EYS: variants seen among roughly 807,000 people sequenced by gnomAD.
The protein encoded by EYS is EGF-like photoreceptor maintenance factor, also known as protein eyes shut homolog.
In EYS, 250 loss-of-function variants were observed where a neutral mutation model predicts 282.1. That is an observed-to-expected ratio of 0.89 (90% confidence interval 0.80 to 0.98). The LOEUF is 0.98. Among genes scored for constraint, EYS ranks in the 50% least tolerant of loss-of-function variants. The pLI, the probability that EYS is intolerant of heterozygous loss-of-function variation, is 0.00. For synonymous variants in EYS, 1,355 were observed against 1,282.9 expected (o/e 1.06, Z -1.20); for missense variants, 4,016 against 3,709.0 (o/e 1.08, Z -2.15).
intron 12 of EYS, among the ~76,000 whole-genome samples, chr6:65,066,451 C>T (rs899903510): frequency 6.6e-6 from 1 of 152,134 alleles, no homozygotes; most frequent in Non-Finnish European, 1.5e-5. Context: ...TCCTATAATG[C>T]TCAGTCTCAT....
intron 36 of EYS, among the ~76,000 whole-genome samples, chr6:63,831,918 A>T (rs1430143560): frequency 6.6e-6 from 1 of 152,216 alleles, no homozygotes; most frequent in Non-Finnish European, 1.5e-5. Context: ...AAACTCACTC[A>T]AAACGGCTCA....
intron 19 of EYS, among the ~76,000 whole-genome samples, chr6:64,840,555 T>G (rs1765532066): frequency 6.6e-6 from 1 of 152,142 alleles, no homozygotes; most frequent in Non-Finnish European, 1.5e-5. Context: ...GGCAGAGGAC[T>G]TCGAAACTAA....
At position 64,771,899 on chromosome 6, in the gene EYS, T is replaced by A. The variant is rs111758343; in HGVS notation, c.3443+41479A>T. ...TTATGCAGATATTCTGTGTTCTTAT[T>A]GTTTTTAATCTATCTTTTGTATTCA... On this transcript the variant is annotated intron_variant, in intron 22 of 42. Transcript: ENST00000503581. Among the ~76,000 whole-genome samples, 208 of 151,928 alleles carry A rather than the reference T, an allele frequency of 1.4e-3. 2 individuals are homozygous for A. Among genetic ancestry groups the A allele is most frequent in the African/African-American group, 4.7e-3 (196 of 41,544 alleles).
intron 26 of EYS, among the ~76,000 whole-genome samples, chr6:64,503,919 G>A (rs755521672): frequency 5.9e-5 from 9 of 152,066 alleles, no homozygotes; most frequent in Non-Finnish European, 8.8e-5. Context: ...AAAGTGTGTG[G>A]CACATCCCCC....
chr6:64,591,992 A>G lies in EYS; in HGVS notation c.3878-3T>C. Reference sequence around the variant, plus strand: ...GACAATGCCTGTCTGTTTTGGACCTACAAAAAGGAAAAAAGCCAAAAAGGT... The same window carrying G: ...GACAATGCCTGTCTGTTTTGGACCTGCAAAAAGGAAAAAAGCCAAAAAGGT... On this transcript the variant is annotated splice_region_variant and splice_polypyrimidine_tract_variant and intron_variant, in intron 25 of 42. Coordinates refer to ENST00000503581, the MANE Select transcript of EYS (RefSeq NM_001142800.2). 1.4e-6 allele frequency: 2 copies of G among 1,453,496 alleles called. No individual in the cohort carries two copies. Among genetic ancestry groups the G allele is most frequent in the Non-Finnish European group, 1.8e-6 (2 of 1,101,898 alleles). The allele number at this position is 1,453,496 out of a possible 1,614,324, so 90.0% of individuals were successfully genotyped here. A position where few individuals can be genotyped will look rare whatever the true frequency, so the allele number is the denominator to read the frequency against.
At chr6:65,689,655 C>T (rs992003974) in intron 1 of EYS, among the ~76,000 whole-genome samples, 3 of 150,008 alleles carry the variant, frequency 2.0e-5, no homozygotes, top group African/African-American at 7.3e-5. Flanking sequence ...ACTGCTTCAT[C>T]CTGTTTTCAA....
chr6:65,014,239 G>A (rs571991306), intron 13 of EYS, among the ~76,000 whole-genome samples: 5 of 152,288 alleles, frequency 3.3e-5, no homozygotes, highest in South Asian at 4.1e-4. Flanking sequence ...GAAGAGAAAC[G>A]TGAGCCTTAG....
intron 35 of EYS, among the ~76,000 whole-genome samples, chr6:63,932,643 C>T (rs1030627094): frequency 1.1e-4 from 17 of 151,334 alleles, no homozygotes; most frequent in African/African-American, 4.2e-4. Context: ...CTATGAAAAG[C>T]TAATAAAGGT....
At chr6:64,298,781 T>A (rs1769129241) in intron 30 of EYS, among the ~76,000 whole-genome samples, 1 of 151,992 alleles carries the variant, frequency 6.6e-6, no homozygotes, top group Admixed American at 6.6e-5. Context: ...CTAACAAAGA[T>A]TTACTTTAGA....
At chr6:64,154,496 A>G (rs1774851738) in intron 31 of EYS, among the ~76,000 whole-genome samples, 1 of 146,398 alleles carries the variant, frequency 6.8e-6, no homozygotes, top group Admixed American at 6.9e-5. Context: ...TTTGTCTTTT[A>G]TGTTTTATTT....
intron 13 of EYS, among the ~76,000 whole-genome samples, chr6:65,036,535 A>C (rs570869829): frequency 6.6e-6 from 1 of 152,032 alleles, no homozygotes; most frequent in African/African-American, 2.4e-5. Flanking sequence ...ACCCTAAAAA[A>C]CGGGAGTAAA....
At chr6:65,151,312 C>T (rs1301046372) in intron 12 of EYS, among the ~76,000 whole-genome samples, 3 of 151,924 alleles carry the variant, frequency 2.0e-5, no homozygotes, top group Non-Finnish European at 2.9e-5. Context: ...CTTTTAGGGT[C>T]TTCATCTGTA....
intron 42 of EYS, among the ~76,000 whole-genome samples, chr6:63,724,369 A>G (rs1768532947): frequency 6.6e-6 from 1 of 152,164 alleles, no homozygotes; most frequent in South Asian, 2.1e-4. Flanking sequence ...GGAATTGTAT[A>G]TACATTTTTT....
At chr6:64,422,818 A>C (rs1271098167) in intron 28 of EYS, among the ~76,000 whole-genome samples, 3 of 152,194 alleles carry the variant, frequency 2.0e-5, no homozygotes, top group Non-Finnish European at 4.4e-5. Flanking sequence ...AGTGTATCTG[A>C]GAGTATTCAT....
chr6:65,245,828 G>A (rs1434431289), intron 12 of EYS, among the ~76,000 whole-genome samples: 1 of 151,978 alleles, frequency 6.6e-6, no homozygotes, highest in Non-Finnish European at 1.5e-5. Flanking sequence ...CAGTGACACT[G>A]AGGCCTCTTT....
intron 29 of EYS, among the ~76,000 whole-genome samples, chr6:64,378,718 G>A (rs1772646423): frequency 6.6e-6 from 1 of 152,130 alleles, no homozygotes; most frequent in African/African-American, 2.4e-5. Context: ...AAGGCACCAT[G>A]GCAATGAATT....
At chr6:65,289,991 C>T (rs548377650) in intron 12 of EYS, among the ~76,000 whole-genome samples, 5 of 151,008 alleles carry the variant, frequency 3.3e-5, no homozygotes, top group South Asian at 4.2e-4. Flanking sequence ...CTTTCAAATG[C>T]CATATTTACT....
chr6:65,371,733 CTCTCTCTCTG>C lies in EYS; in HGVS notation c.1299+12643_1299+12652del, dbSNP rs1427415153. Reference sequence around the variant, plus strand: ...CCTCTCTCTCTCTCTCTCTCTCTCTCTCTCTCTCTGTGTGTGTGTGTGTGTGTGTGTGTGT... The same window carrying C: ...CCTCTCTCTCTCTCTCTCTCTCTCTCTGTGTGTGTGTGTGTGTGTGTGTGT... On this transcript the variant is annotated intron_variant, in intron 8 of 42. Transcript: ENST00000503581. 1.4e-3 allele frequency among the ~76,000 whole-genome samples: 73 copies of C among 50,712 alleles called. 1 individual carries two copies. Among genetic ancestry groups the C allele is most frequent in the African/African-American group, 3.2e-3 (62 of 19,390 alleles). 33.3% of individuals were successfully genotyped at this position (50,712 alleles called of 152,430 possible). A position where few individuals can be genotyped will look rare whatever the true frequency, so the allele number is the denominator to read the frequency against.
chr6:64,419,292 T>C (rs1307007133), intron 28 of EYS, among the ~76,000 whole-genome samples: 3 of 152,160 alleles, frequency 2.0e-5, no homozygotes, highest in African/African-American at 4.8e-5. Context: ...TTACCTCCCA[T>C]GGGGTTCCCT....
Sources: gnomAD v4.1 joint callset for allele counts (sites outside exome capture counted in the v4.1 genomes callset) on GRCh38, gnomAD v4.1.1 for gene constraint, MANE v1.5 for transcripts, NCBI Gene and HGNC (gene_info 2026-07-23, HGNC 2026-07-21) for gene names.